KCNIP4: variants seen among roughly 807,000 people sequenced by gnomAD.
The protein encoded by KCNIP4 is potassium voltage-gated channel interacting protein 4.
Under a neutral mutation model 34.0 loss-of-function variants are expected in KCNIP4, and 12 were observed. The observed-to-expected ratio is 0.35, with a 90% CI of 0.23 to 0.57. The LOEUF is 0.57. Among genes scored for constraint, KCNIP4 ranks in the 20% least tolerant of loss-of-function variants. The pLI is 0.83. For missense variants in KCNIP4, 238 were observed against 311.7 expected (o/e 0.76, Z 1.78); for synonymous variants, 124 against 102.2 (o/e 1.21, Z -1.29).
At chr4:21,626,461 G>A (rs1577714235) in intron 1 of KCNIP4, among the ~76,000 whole-genome samples, 1 of 151,620 alleles carries the variant, frequency 6.6e-6, no homozygotes, top group African/African-American at 2.4e-5. Context: ...CCACCTAGAA[G>A]GCAAGAGAAG....
intron 1 of KCNIP4, among the ~76,000 whole-genome samples, chr4:21,315,102 G>A (rs569161883): frequency 6.6e-6 from 1 of 152,238 alleles, no homozygotes; most frequent in East Asian, 1.9e-4. Context: ...TTCAGTCTCA[G>A]TTACATTACC....
intron 1 of KCNIP4, among the ~76,000 whole-genome samples, chr4:21,313,014 T>C (rs1490292319): frequency 1.3e-5 from 2 of 152,208 alleles, no homozygotes; most frequent in Non-Finnish European, 2.9e-5. Context: ...TGAGATCTAA[T>C]AAAAAGCAAA....
chr4:21,764,908 C>T (rs1441932086), intron 1 of KCNIP4, among the ~76,000 whole-genome samples: 1 of 151,968 alleles, frequency 6.6e-6, no homozygotes, highest in Admixed American at 6.6e-5. Context: ...GAAGATTTTC[C>T]ATGGAAGTTC....
intron 1 of KCNIP4, among the ~76,000 whole-genome samples, chr4:21,839,721 C>T (rs569409054): frequency 6.6e-6 from 1 of 152,072 alleles, no homozygotes; most frequent in African/African-American, 2.4e-5. Flanking sequence ...CACCACTGCA[C>T]TCCTGCCTGG....
At chr4:20,868,058 A>T (rs1476835345) in intron 2 of KCNIP4, among the ~76,000 whole-genome samples, 1 of 152,102 alleles carries the variant, frequency 6.6e-6, no homozygotes, top group Non-Finnish European at 1.5e-5. Flanking sequence ...GCCAACAGGT[A>T]ACCTACAGAA....
intron 1 of KCNIP4, among the ~76,000 whole-genome samples, chr4:21,475,322 T>C (rs1442715447): frequency 6.6e-6 from 1 of 152,148 alleles, no homozygotes; most frequent in East Asian, 1.9e-4. Flanking sequence ...ATTATCATCT[T>C]ACAGATGAAA....
rs77040814 is a variant in KCNIP4, at chr4:21,940,249, T to G, written c.61+8322A>C. Among the ~76,000 whole-genome samples, 825 of 152,074 alleles carry G rather than the reference T, an allele frequency of 5.4e-3. 15 individuals carry two copies. The East Asian group carries it at 0.079, about 15-fold the overall frequency. On this transcript the variant is annotated intron_variant, in intron 1 of 8. Transcript: ENST00000382152. ...GTAGAGGGTAGGAAGAAATGGAAAA[T>G]AGAACAAACACAGAACTTCAAGCCC...
intron 1 of KCNIP4, among the ~76,000 whole-genome samples, chr4:21,761,772 T>C (rs1718073863): frequency 1.3e-5 from 2 of 152,116 alleles, no homozygotes; most frequent in African/African-American, 4.8e-5. Flanking sequence ...AAAATTGTAT[T>C]GTTTAACAAC....
intron 1 of KCNIP4, among the ~76,000 whole-genome samples, chr4:21,411,595 G>A (rs1005033547): frequency 7.2e-5 from 11 of 152,106 alleles, no homozygotes; most frequent in Admixed American, 1.3e-4. Context: ...TGAGTGGATC[G>A]CTGGAGCCCA....
intron 1 of KCNIP4, among the ~76,000 whole-genome samples, chr4:21,328,099 T>C (rs986048000): frequency 2.6e-5 from 4 of 152,070 alleles, no homozygotes; most frequent in African/African-American, 9.7e-5. Context: ...TTTTCTTTTA[T>C]GGTCTTGATT....
At chr4:21,691,691 C>CTCT (rs1553921374) in intron 1 of KCNIP4, among the ~76,000 whole-genome samples, 1 of 103,144 alleles carries the variant, frequency 9.7e-6, no homozygotes, top group East Asian at 2.9e-4. Flanking sequence ...AAACGCAGCT[C>CTCT]TTTTTTTTTT....
chr4:21,665,773 T>G (rs1340377740), intron 1 of KCNIP4, among the ~76,000 whole-genome samples: 1 of 152,172 alleles, frequency 6.6e-6, no homozygotes, highest in Non-Finnish European at 1.5e-5. Flanking sequence ...GGGGCCCAAC[T>G]ATGCTGGATA....
At chr4:21,060,262 C>T (rs917411928) in intron 1 of KCNIP4, among the ~76,000 whole-genome samples, 5 of 151,844 alleles carry the variant, frequency 3.3e-5, no homozygotes, top group Non-Finnish European at 7.4e-5. Flanking sequence ...TTTATAACAG[C>T]CTTAAAAAAT....
intron 1 of KCNIP4, among the ~76,000 whole-genome samples, chr4:21,552,573 GT>G (rs1184197817): frequency 6.6e-6 from 1 of 152,118 alleles, no homozygotes; most frequent in East Asian, 1.9e-4. Flanking sequence ...TTTCTTGCCT[GT>G]ATCCTGATTA....
chr4:21,725,371 G>A (rs1715118128), intron 1 of KCNIP4, among the ~76,000 whole-genome samples: 1 of 152,110 alleles, frequency 6.6e-6, no homozygotes, highest in Admixed American at 6.6e-5. Flanking sequence ...GTACTTCGAA[G>A]TCATCCATAA....
intron 1 of KCNIP4, among the ~76,000 whole-genome samples, chr4:21,324,130 C>T (rs1354175450): frequency 1.3e-5 from 2 of 151,780 alleles, no homozygotes. Flanking sequence ...TTTTGAGTTC[C>T]TTATATATTC....
At chr4:21,794,956 G>A (rs1720528796) in intron 1 of KCNIP4, among the ~76,000 whole-genome samples, 1 of 152,042 alleles carries the variant, frequency 6.6e-6, no homozygotes, top group African/African-American at 2.4e-5. Flanking sequence ...AGTTCCCTTC[G>A]TCTCTCCAGC....
At chr4:21,379,321 T>C (rs986059784) in intron 1 of KCNIP4, among the ~76,000 whole-genome samples, 5 of 152,206 alleles carry the variant, frequency 3.3e-5, no homozygotes, top group African/African-American at 1.2e-4. Context: ...TATCCTGTCT[T>C]GTTTGGATTA....
chr4:21,205,796 C>T (rs1418962924), intron 1 of KCNIP4, among the ~76,000 whole-genome samples: 1 of 152,168 alleles, frequency 6.6e-6, no homozygotes, highest in East Asian at 1.9e-4. Flanking sequence ...GGTCTGTCTC[C>T]CAGTCCATGC....
Sources: gnomAD v4.1 joint callset for allele counts (sites outside exome capture counted in the v4.1 genomes callset) on GRCh38, gnomAD v4.1.1 for gene constraint, MANE v1.5 for transcripts, NCBI Gene and HGNC (gene_info 2026-07-23, HGNC 2026-07-21) for gene names.